Variants in CD200R1 observed in about 807,000 individuals in gnomAD.
CD200R1 encodes the protein cell surface glycoprotein CD200 receptor 1.
A neutral mutation model predicts 38.1 loss-of-function variants in CD200R1; 30 were observed. The observed-to-expected ratio is 0.79, with a 90% CI of 0.59 to 1.07. The LOEUF (loss-of-function observed/expected upper bound fraction) is 1.07. CD200R1 is among the 50% of genes least tolerant of loss of function. The pLI is 0.00. For missense variants in CD200R1, 372 were observed against 415.4 expected (o/e 0.90, Z 0.91); for synonymous variants, 128 against 152.1 (o/e 0.84, Z 1.16).
intron 2 of CD200R1, 78 bp downstream of exon 2, chr3:112,947,778 T>C: frequency 1.1e-6 from 1 of 888,914 alleles, no homozygotes. Context: ...ATGAGACAAT[T>C]CAAGATCCAA....
intron 2 of CD200R1, among the ~76,000 whole-genome samples, chr3:112,947,560 C>T (rs1389797777): frequency 6.6e-6 from 1 of 152,112 alleles, no homozygotes; most frequent in African/African-American, 2.4e-5. Flanking sequence ...AAATCATTAA[C>T]ACCTATTAAG....
intron 1 of CD200R1, 46 bp from the exon 2 acceptor site, chr3:112,947,970 T>A: frequency 9.0e-7 from 1 of 1,106,948 alleles, no homozygotes; most frequent in African/African-American, 1.5e-5. Flanking sequence ...AAATATGCAT[T>A]AATAGATCTG....
At chr3:112,961,891 T>A (rs1933028124) in intron 1 of CD200R1, among the ~76,000 whole-genome samples, 2 of 152,022 alleles carry the variant, frequency 1.3e-5, no homozygotes, top group Non-Finnish European at 2.9e-5. Context: ...ATGTTAAAGG[T>A]GACACAGTAA....
At chr3:112,968,149 A>G (rs1007647580) in intron 1 of CD200R1, among the ~76,000 whole-genome samples, 5 of 152,194 alleles carry the variant, frequency 3.3e-5, no homozygotes, top group Admixed American at 6.5e-5. Flanking sequence ...ATCTATTGGT[A>G]TCTAAATTAG....
chr3:112,934,450 G>T (rs566234271), intron 2 of CD200R1, among the ~76,000 whole-genome samples: 1 of 152,124 alleles, frequency 6.6e-6, no homozygotes, highest in African/African-American at 2.4e-5. Flanking sequence ...AATGACAGAT[G>T]TAAGTTCTCA....
chr3:112,938,646 T>C (rs1037091587), intron 2 of CD200R1, among the ~76,000 whole-genome samples: 2 of 152,030 alleles, frequency 1.3e-5, no homozygotes, highest in African/African-American at 4.8e-5. Flanking sequence ...CAGGAACAAA[T>C]GGCTTCACAG....
At chr3:112,931,266 G>T in intron 2 of CD200R1, 95 bp from the exon 3 acceptor site, 1 of 703,400 alleles carries the variant, frequency 1.4e-6, no homozygotes. Context: ...AACATGATAG[G>T]CAATCAGTTA....
chr3:112,927,048 C>T (rs773874210), intron 5 of CD200R1, among the ~76,000 whole-genome samples: 51 of 152,034 alleles, frequency 3.4e-4, no homozygotes, highest in Non-Finnish European at 2.6e-4. Flanking sequence ...GGCAGGTTCC[C>T]TTGTCTCCTG....
chr3:112,933,612 CCCAGTAATTCT>C (rs1231302165), intron 2 of CD200R1, among the ~76,000 whole-genome samples: 1 of 152,078 alleles, frequency 6.6e-6, no homozygotes, highest in Non-Finnish European at 1.5e-5. Context: ...CCCAAATCAA[CCCAGTAATTCT>C]CCAGTAACAT....
chr3:112,929,449 G>C lies in CD200R1; in HGVS notation c.261C>G (p.Ile87Met), dbSNP rs560630785. 2.5e-6 allele frequency: 4 copies of C among 1,613,676 alleles called. No homozygotes were observed. The highest frequency in any genetic ancestry group is 3.4e-6 in the Non-Finnish European group (4 of 1,179,836). The part of the protein sequence containing the change: ...ATNAVLCCPP[I>M]ALRNLIIITW... Reference sequence around the variant, plus strand: ...TTATTATGATCAAATTTCTTAATGCGATAGGAGGGCAACAAAGCACAGCAT... The same window carrying C: ...TTATTATGATCAAATTTCTTAATGCCATAGGAGGGCAACAAAGCACAGCAT... Residue 87 changes from isoleucine (I) to methionine (M), a missense_variant, in exon 4 of 8, where the codon ATC becomes ATG. Coordinates refer to ENST00000308611, the MANE Select transcript of CD200R1 (RefSeq NM_138806.4).
chr3:112,938,546 C>G (rs1940639318), intron 2 of CD200R1, among the ~76,000 whole-genome samples: 2 of 151,924 alleles, frequency 1.3e-5, no homozygotes, highest in African/African-American at 4.8e-5. Flanking sequence ...AACCTAACAA[C>G]TTTAAACCAA....
intron 1 of CD200R1, among the ~76,000 whole-genome samples, chr3:112,972,001 A>C (rs1933321444): frequency 6.6e-6 from 1 of 152,208 alleles, no homozygotes; most frequent in Non-Finnish European, 1.5e-5. Flanking sequence ...ATACAATTTC[A>C]AGATTTACTG....
At chr3:112,928,130 G>A (rs1411189730) in intron 5 of CD200R1, among the ~76,000 whole-genome samples, 2 of 152,176 alleles carry the variant, frequency 1.3e-5, no homozygotes, top group East Asian at 3.8e-4. Context: ...TGAGCATGTT[G>A]TATAAAAATG....
intron 3 of CD200R1, 66 bp downstream of exon 3, chr3:112,931,040 T>G (rs1412032112): frequency 8.8e-7 from 1 of 1,141,144 alleles, no homozygotes; most frequent in Non-Finnish European, 1.3e-6. Flanking sequence ...GGTCATTAGC[T>G]AATATTTCTA....
intron 2 of CD200R1, 47 bp downstream of exon 2, chr3:112,947,809 C>T (rs775859579): frequency 8.3e-6 from 10 of 1,208,694 alleles, no homozygotes; most frequent in Admixed American, 5.1e-5. Context: ...CCTATATGGA[C>T]ATCAAGCACT....
chr3:112,928,040 A>T (rs1940321222), intron 5 of CD200R1, among the ~76,000 whole-genome samples: 1 of 152,212 alleles, frequency 6.6e-6, no homozygotes, highest in Admixed American at 6.5e-5. Context: ...GAAAGGAAGA[A>T]GGTAATGTGA....
intron 2 of CD200R1, among the ~76,000 whole-genome samples, chr3:112,933,996 G>A (rs768524647): frequency 3.4e-4 from 51 of 151,706 alleles, no homozygotes; most frequent in Non-Finnish European, 7.1e-4. Context: ...ACATCAGTAA[G>A]CAAAAAACAT....
intron 1 of CD200R1, among the ~76,000 whole-genome samples, chr3:112,967,993 T>C (rs1383194507): frequency 1.3e-5 from 2 of 152,254 alleles, no homozygotes; most frequent in African/African-American, 4.8e-5. Context: ...TACTTCTTAA[T>C]AGTGTCATAC....
In CD200R1 at chr3:112,945,756, G is replaced by T. The variant is rs548303207; in HGVS notation, c.136+2100C>A. On this transcript the variant is annotated intron_variant, in intron 2 of 7. Transcript: ENST00000308611. ...TCTACTCTGTGAAAAATTTCTAAGA[G>T]CAGTGGCTCACGCCTGTAATCACAG... Among the ~76,000 whole-genome samples, 64 of 152,268 alleles carry T rather than the reference G, an allele frequency of 4.2e-4. 1 individual carries two copies. Among genetic ancestry groups the T allele is most frequent in the African/African-American group, 1.4e-3 (60 of 41,544 alleles).
Sources: gnomAD v4.1 joint callset for allele counts (sites outside exome capture counted in the v4.1 genomes callset) on GRCh38, gnomAD v4.1.1 for gene constraint, MANE v1.5 for transcripts, NCBI Gene and HGNC (gene_info 2026-07-23, HGNC 2026-07-21) for gene names.